TG: variants seen among roughly 807,000 people sequenced by gnomAD.
The protein encoded by TG is thyroid hormones.
Under a neutral mutation model 324.7 loss-of-function variants are expected in TG, and 270 were observed. The observed-to-expected ratio is 0.83, with a 90% confidence interval of 0.75 to 0.92. The LOEUF is 0.92. TG is among the 40% of genes least tolerant of loss of function. TG has a pLI of 0.00. For missense variants in TG, 3,591 were observed against 3,456.4 expected (o/e 1.04, Z -0.98); for synonymous variants, 1,401 against 1,327.0 (o/e 1.06, Z -1.21).
intron 10 of TG, among the ~76,000 whole-genome samples, chr8:132,891,734 G>C (rs1304287476): frequency 6.6e-6 from 1 of 152,172 alleles, no homozygotes; most frequent in African/African-American, 2.4e-5. Context: ...GTGAGTTTTT[G>C]CTTCGGACAT....
chr8:133,131,679 CAGGA>C, intron 45 of TG, 129 bp from the exon 46 acceptor site: 1 of 1,340,386 alleles, frequency 7.5e-7, no homozygotes, highest in Non-Finnish European at 1.0e-6. Flanking sequence ...GGGCCCTAAA[CAGGA>C]TACTTGGATA....
intron 41 of TG, chr8:133,059,333 G>A: frequency 2.8e-6 from 1 of 357,132 alleles, no homozygotes; most frequent in East Asian, 7.4e-5. Context: ...GGAATCTGAG[G>A]AAATAAAGGT....
intron 44 of TG, 26 bp downstream of exon 44, chr8:133,113,629 G>C: frequency 6.2e-7 from 1 of 1,610,512 alleles, no homozygotes; most frequent in Non-Finnish European, 8.5e-7. Flanking sequence ...GGAGGGTGCA[G>C]ATTCCTACTG....
chr8:132,938,186 C>T (rs532927082), intron 25 of TG, among the ~76,000 whole-genome samples: 2 of 152,332 alleles, frequency 1.3e-5, no homozygotes, highest in African/African-American at 4.8e-5. Flanking sequence ...ATCTTCAGCT[C>T]GCAGTAGGTA....
chr8:132,928,699 A>C (rs751437351), intron 22 of TG, among the ~76,000 whole-genome samples: 18 of 152,244 alleles, frequency 1.2e-4, no homozygotes, highest in Non-Finnish European at 2.1e-4. Context: ...AAAGAATTCA[A>C]GTTGTTTTAC....
intron 23 of TG, among the ~76,000 whole-genome samples, chr8:132,932,700 A>G (rs1242682401): frequency 6.6e-6 from 1 of 152,192 alleles, no homozygotes; most frequent in Non-Finnish European, 1.5e-5. Context: ...GTGTCCACAG[A>G]AAGCAGCTGT....
intron 41 of TG, among the ~76,000 whole-genome samples, chr8:133,059,437 G>A (rs1194457134): frequency 3.9e-5 from 6 of 152,044 alleles, no homozygotes; most frequent in Non-Finnish European, 8.8e-5. Context: ...TCCCTCCCAG[G>A]CCTCTGACCA....
At chr8:132,952,884 CTT>C (rs1826320736) in intron 27 of TG, among the ~76,000 whole-genome samples, 2 of 152,260 alleles carry the variant, frequency 1.3e-5, no homozygotes, top group East Asian at 3.9e-4. Flanking sequence ...AAGCCTTCAG[CTT>C]AGGAGACCAG....
At chr8:132,969,314 T>G (rs1829127270) in intron 31 of TG, 144 bp from the exon 32 acceptor site, 2 of 661,778 alleles carry the variant, frequency 3.0e-6, no homozygotes, top group Non-Finnish European at 5.3e-6. Context: ...TAGTGAGATT[T>G]GAGTTAGGAA....
In TG at chr8:132,898,780, C is replaced by T; in HGVS notation, c.3218-18C>T. The T allele has an allele frequency of 6.2e-7, 1 of 1,611,610 alleles. No individual in the cohort carries two copies. The highest frequency in any genetic ancestry group is 8.5e-7 in the Non-Finnish European group (1 of 1,178,180). On this transcript the variant is annotated intron_variant, in intron 13 of 47. Coordinates refer to ENST00000220616, the MANE Select transcript of TG (RefSeq NM_003235.5). ...GCTCCCACGACCAGTCCTTTACAAG[C>T]ACCTCTCTCTCCCACAGGCCCGACA...
chr8:133,037,464 C>T (rs1361573094), intron 41 of TG: 1 of 152,156 alleles, frequency 6.6e-6, no homozygotes, highest in Non-Finnish European at 1.5e-5. Flanking sequence ...CCTACCCGAT[C>T]CAGCCAGCCC....
Position 133,134,751 on chromosome 8 carries a change from TCCTAAG to T in TG, c.8268_8273del (p.Ser2757_Leu2758del), listed in dbSNP as rs746640245. ...GCTGGATCTGGGCTAAGAGAAGATC[TCCTAAG>T]CCTCCAGGAACCAGGCTCTAAGACC... On this transcript the variant is annotated inframe_deletion, in exon 48 of 48. Coordinates refer to ENST00000220616, the MANE Select transcript of TG (RefSeq NM_003235.5). The T allele has an allele frequency of 1.2e-6, 2 of 1,613,978 alleles. No individual in the cohort carries two copies. The highest frequency in any genetic ancestry group is 2.7e-5 in the African/African-American group (2 of 74,880).
chr8:132,957,403 A>C (rs1827047496), intron 27 of TG, among the ~76,000 whole-genome samples: 1 of 152,164 alleles, frequency 6.6e-6, no homozygotes, highest in African/African-American at 2.4e-5. Context: ...GCTTCCTATC[A>C]CAGTTCAGTA....
intron 35 of TG, among the ~76,000 whole-genome samples, chr8:132,996,759 A>G (rs1315677562): frequency 6.6e-6 from 1 of 152,210 alleles, no homozygotes; most frequent in African/African-American, 2.4e-5. Flanking sequence ...AGGGGATTTC[A>G]GAGTGGATTA....
In TG at chr8:132,933,564, GCA is replaced by G; in HGVS notation, c.4823_4824del (p.Thr1608ArgfsTer20). 1.2e-6 allele frequency: 2 copies of G among 1,613,934 alleles called. No homozygotes were observed. Among genetic ancestry groups the G allele is most frequent in the Non-Finnish European group, 1.7e-6 (2 of 1,179,926 alleles). On this transcript the variant is annotated frameshift_variant, in exon 24 of 48. Transcript: ENST00000220616. LOFTEE classifies it high-confidence loss of function. ...GACCGTCCCATGGTGCTTGCAGATT[GCA>G]CAGAGGACGAGGCCTGCAGCTTCTT...
chr8:133,012,696 T>G (rs1456557794), intron 36 of TG, among the ~76,000 whole-genome samples: 1 of 152,108 alleles, frequency 6.6e-6, no homozygotes, highest in Non-Finnish European at 1.5e-5. Context: ...CTCTGCAAGG[T>G]TGGATAATAA....
intron 3 of TG, 40 bp downstream of exon 3, chr8:132,869,866 TA>T: frequency 6.3e-7 from 1 of 1,578,346 alleles, no homozygotes; most frequent in South Asian, 1.1e-5. Context: ...GGGACCCTGC[TA>T]GGACAACTCA....
chr8:132,880,389 T>G (rs1814481637), intron 5 of TG, among the ~76,000 whole-genome samples: 1 of 152,226 alleles, frequency 6.6e-6, no homozygotes, highest in African/African-American at 2.4e-5. Context: ...TAAAAGTTAT[T>G]ATTATACTAT....
chr8:132,941,256 G>A (rs1187221809), intron 25 of TG, 95 bp from the exon 26 acceptor site: 1 of 1,467,508 alleles, frequency 6.8e-7, no homozygotes, highest in Non-Finnish European at 9.5e-7. Context: ...CACTGTTGCA[G>A]CTAAGTCAAC....
Sources: gnomAD v4.1 joint callset for allele counts (sites outside exome capture counted in the v4.1 genomes callset) on GRCh38, gnomAD v4.1.1 for gene constraint, MANE v1.5 for transcripts, NCBI Gene and HGNC (gene_info 2026-07-23, HGNC 2026-07-21) for gene names.